TIPARP: variants seen among roughly 807,000 people sequenced by gnomAD.
TIPARP encodes protein mono-ADP-ribosyltransferase TIPARP.
Under a neutral mutation model 56.5 loss-of-function variants are expected in TIPARP, and 12 were observed. The observed-to-expected ratio is 0.21, with a 90% CI of 0.14 to 0.34. The LOEUF (loss-of-function observed/expected upper bound fraction) is 0.34, where lower values mean the gene tolerates loss of function less well. Ranked by LOEUF, TIPARP falls within the 10% of genes least tolerant of loss-of-function variation. The probability of loss-of-function intolerance (pLI) is 1.00; values close to 1 mark genes in which losing one functional copy is unlikely to be tolerated. For missense variants in TIPARP, 604 were observed against 781.6 expected (o/e 0.77, Z 2.71); for synonymous variants, 296 against 265.7 (o/e 1.11, Z -1.11).
chr3:156,677,554 G>A, intron 1 of TIPARP, 103 bp from the exon 2 acceptor site: 1 of 758,204 alleles, frequency 1.3e-6, no homozygotes. Context: ...AAGAGGAATG[G>A]TTTCAGGGAA....
In TIPARP at chr3:156,696,029, A is replaced by G; in HGVS notation, c.1247+4A>G. 6.2e-7 allele frequency: 1 copy of G among 1,602,816 alleles called. No homozygotes were observed. The highest frequency in any genetic ancestry group is 8.5e-7 in the Non-Finnish European group (1 of 1,176,780). On this transcript the variant is annotated splice_donor_region_variant and intron_variant, in intron 4 of 5. Coordinates refer to ENST00000295924, the MANE Select transcript of TIPARP (RefSeq NM_015508.5). Reference sequence around the variant, plus strand: ...TTATACTGCTTCCATATTTACAGTAAGTGTCGAGTATGAAGTTGCAATATT... The same window carrying G: ...TTATACTGCTTCCATATTTACAGTAGGTGTCGAGTATGAAGTTGCAATATT...
intron 2 of TIPARP, among the ~76,000 whole-genome samples, chr3:156,684,395 A>C (rs926520037): frequency 6.6e-6 from 1 of 152,244 alleles, no homozygotes; most frequent in Non-Finnish European, 1.5e-5. Context: ...GGAATAAAAT[A>C]CTTCTGAAGT....
chr3:156,683,378 T>G (rs188474867), intron 2 of TIPARP, among the ~76,000 whole-genome samples: 1 of 152,202 alleles, frequency 6.6e-6, no homozygotes, highest in Non-Finnish European at 1.5e-5. Flanking sequence ...ATTTTGGATT[T>G]TGGAATATTT....
At chr3:156,694,506 A>G (rs1357859986) in intron 3 of TIPARP, among the ~76,000 whole-genome samples, 2 of 152,226 alleles carry the variant, frequency 1.3e-5, no homozygotes, top group East Asian at 3.8e-4. Context: ...TCACGACATG[A>G]GAATTGGTAT....
At chr3:156,704,629 G>C in intron 5 of TIPARP, 55 bp from the exon 6 acceptor site, 1 of 1,545,518 alleles carries the variant, frequency 6.5e-7, no homozygotes, top group Non-Finnish European at 8.8e-7. Flanking sequence ...CATCATGCCT[G>C]TTAAATTGAC....
intron 4 of TIPARP, among the ~76,000 whole-genome samples, chr3:156,700,678 T>G (rs758203864): frequency 1.3e-5 from 2 of 152,246 alleles, no homozygotes; most frequent in Non-Finnish European, 2.9e-5. Context: ...ATTTATCCCA[T>G]GCAGTCACCT....
chr3:156,679,416 T>C (rs958744548), intron 2 of TIPARP, among the ~76,000 whole-genome samples: 10 of 152,096 alleles, frequency 6.6e-5, no homozygotes, highest in African/African-American at 2.2e-4. Flanking sequence ...AACTTTAAAA[T>C]GAAGAAAATG....
At chr3:156,701,534 A>C (rs2108498040) in intron 4 of TIPARP, among the ~76,000 whole-genome samples, 1 of 152,328 alleles carries the variant, frequency 6.6e-6, no homozygotes, top group South Asian at 2.1e-4. Context: ...GGAGCTATTA[A>C]ATAAAAATAA....
chr3:156,696,015 C>T lies in TIPARP; in HGVS notation c.1237C>T (p.Pro413Ser). Residue 413 changes from proline (P) to serine (S), a missense_variant, in exon 4 of 6, where the codon CCA (proline) becomes TCA (serine). Coordinates refer to ENST00000295924, the MANE Select transcript of TIPARP (RefSeq NM_015508.5). ...PLFRSCFILL[P>S]YLQTLGGVPT... is the part of the protein sequence containing the mutation. ...CTTCCGCTCCTGTTTTATACTGCTT[C>T]CATATTTACAGTAAGTGTCGAGTAT... 1.2e-6 allele frequency: 2 copies of T among 1,605,510 alleles called. No individual in the cohort carries two copies. Among genetic ancestry groups the T allele is most frequent in the Non-Finnish European group, 1.7e-6 (2 of 1,177,428 alleles).
intron 2 of TIPARP, among the ~76,000 whole-genome samples, chr3:156,683,031 C>G (rs1186619394): frequency 1.3e-5 from 2 of 151,280 alleles, no homozygotes. Flanking sequence ...CAATAGCAAT[C>G]ATTTATTTAT....
intron 4 of TIPARP, among the ~76,000 whole-genome samples, chr3:156,702,120 T>C (rs901904844): frequency 2.6e-5 from 4 of 151,040 alleles, no homozygotes; most frequent in Admixed American, 1.3e-4. Context: ...CAAAACTAGG[T>C]TGGAATCCTA....
intron 4 of TIPARP, among the ~76,000 whole-genome samples, chr3:156,699,360 AT>A (rs1559976481): frequency 6.6e-6 from 1 of 152,172 alleles, no homozygotes; most frequent in African/African-American, 2.4e-5. Flanking sequence ...TCATTGTCTT[AT>A]TTTAATAAAT....
At chr3:156,684,487 G>A (rs929376853) in intron 2 of TIPARP, among the ~76,000 whole-genome samples, 1 of 152,200 alleles carries the variant, frequency 6.6e-6, no homozygotes, top group African/African-American at 2.4e-5. Flanking sequence ...AGGCTGGAGT[G>A]CAGTGGCATA....
At chr3:156,686,080 T>A (rs564628253) in intron 2 of TIPARP, among the ~76,000 whole-genome samples, 1 of 152,262 alleles carries the variant, frequency 6.6e-6, no homozygotes, top group Admixed American at 6.5e-5. Flanking sequence ...CTCATCCTAA[T>A]AAAAGAAAGA....
At chr3:156,679,000 A>G (rs1267139806) in intron 2 of TIPARP, among the ~76,000 whole-genome samples, 2 of 152,210 alleles carry the variant, frequency 1.3e-5, no homozygotes, top group Non-Finnish European at 2.9e-5. Flanking sequence ...AGCTCTGCAC[A>G]TTGAGCAGCT....
chr3:156,696,342 G>T (rs770810591), intron 4 of TIPARP, among the ~76,000 whole-genome samples: 1 of 152,074 alleles, frequency 6.6e-6, no homozygotes, highest in Non-Finnish European at 1.5e-5. Flanking sequence ...TTCCTTCCAT[G>T]AAACTACTTT....
At chr3:156,699,632 T>C (rs1392278064) in intron 4 of TIPARP, among the ~76,000 whole-genome samples, 1 of 152,238 alleles carries the variant, frequency 6.6e-6, no homozygotes, top group Non-Finnish European at 1.5e-5. Flanking sequence ...ATTGTATTAC[T>C]CACTTTATTG....
rs769943982 is a variant in TIPARP at position 156,678,357 on chromosome 3, T to A, written c.660T>A (p.Leu220=). The A allele has an allele frequency of 3.1e-6, 5 of 1,614,230 alleles. No homozygotes were observed. Among genetic ancestry groups the A allele is most frequent in the Non-Finnish European group, 4.2e-6 (5 of 1,180,028 alleles). The change falls in exon 2 of 6, where the codon CTT becomes CTA. Residue 220 remains leucine (L), a synonymous_variant. Coordinates refer to ENST00000295924, the MANE Select transcript of TIPARP (RefSeq NM_015508.5). ...LFQDKSEEAS[L]DLVFELVNQL... is the part of the protein sequence containing the mutation. ...AGGACAAAAGTGAAGAGGCTTCCCTTGACCTCGTGTTTGAGCTGGTGAACC... is the reference window on the plus strand; with the variant it reads ...AGGACAAAAGTGAAGAGGCTTCCCTAGACCTCGTGTTTGAGCTGGTGAACC...
Position 156,706,022 on chromosome 3 carries a change from A to G in TIPARP, c.*891A>G, listed in dbSNP as rs344053. The G allele has an allele frequency of 0.96, 146,359 of 152,736 alleles. 70,141 individuals carry two copies. The highest frequency in any genetic ancestry group is 0.99 in the Middle Eastern group (291 of 294). 9.5% of individuals were successfully genotyped at this position (152,736 alleles called of 1,614,324 possible). Reference sequence around the variant, plus strand: ...AGAAAAAGGAAGTACATCTATAGCCAAATTGATAAGGTTATTACTGTGTTT... The same window carrying G: ...AGAAAAAGGAAGTACATCTATAGCCGAATTGATAAGGTTATTACTGTGTTT... On this transcript the variant is annotated 3_prime_UTR_variant, in exon 6 of 6. Coordinates refer to ENST00000295924, the MANE Select transcript of TIPARP (RefSeq NM_015508.5).
Sources: gnomAD v4.1 joint callset for allele counts (sites outside exome capture counted in the v4.1 genomes callset) on GRCh38, gnomAD v4.1.1 for gene constraint, MANE v1.5 for transcripts, NCBI Gene and HGNC (gene_info 2026-07-23, HGNC 2026-07-21) for gene names.